SPON1: variants seen among roughly 807,000 people sequenced by gnomAD.
SPON1 encodes the protein spondin 1, also known as spondin-1.
SPON1 carries 52 observed loss-of-function variants against 111.7 expected under a neutral mutation model. That is an observed-to-expected ratio of 0.47 (90% CI 0.37 to 0.59). The LOEUF (loss-of-function observed/expected upper bound fraction) is 0.59. Among genes scored for constraint, SPON1 ranks in the 20% least tolerant of loss-of-function variants. The pLI is 0.00. For missense variants in SPON1, 957 were observed against 1,068.5 expected, an observed-to-expected ratio of 0.90 and a Z score of 1.46; for synonymous variants, 410 against 395.8, an observed-to-expected ratio of 1.04 and a Z score of -0.43.
chr11:14,253,905 G>A (rs1849079032), intron 7 of SPON1, among the ~76,000 whole-genome samples: 2 of 152,218 alleles, frequency 1.3e-5, no homozygotes, highest in South Asian at 2.1e-4. Flanking sequence ...ACTCTGAGTG[G>A]TTGCTGCCAT....
chr11:14,260,506 G>T (rs782605847), intron 13 of SPON1, 82 bp from the exon 14 acceptor site: 48 of 1,450,362 alleles, frequency 3.3e-5, no homozygotes, highest in Non-Finnish European at 4.4e-5. Context: ...CAGGGGACTC[G>T]GTGTGGAACA....
chr11:14,096,932 T>C (rs1881514), intron 5 of SPON1, among the ~76,000 whole-genome samples: 23,943 of 152,198 alleles, frequency 0.16, 2,003 homozygotes, highest in Middle Eastern at 0.21. Flanking sequence ...AAGTCAGTTA[T>C]TACTATAGAA....
intron 6 of SPON1, among the ~76,000 whole-genome samples, chr11:14,188,190 G>T (rs782245577): frequency 6.6e-6 from 1 of 152,146 alleles, no homozygotes; most frequent in Non-Finnish European, 1.5e-5. Context: ...TTACAGGTCT[G>T]AGCCACTGTG....
intron 6 of SPON1, among the ~76,000 whole-genome samples, chr11:14,160,889 ATATATATTTATATATTTATATATATATT>A (rs1564919667): frequency 9.9e-5 from 5 of 50,266 alleles, no homozygotes; most frequent in South Asian, 7.3e-4. Flanking sequence ...TTATATATTT[ATATATATTTATATATTTATATATATATT>A]TATATATTTA....
rs181694542 is a variant in SPON1, at chr11:13,974,917, T to C, written c.239-7930T>C. On this transcript the variant is annotated intron_variant, in intron 1 of 15. Coordinates refer to ENST00000576479, the MANE Select transcript of SPON1 (RefSeq NM_006108.4). ...AGAATGCAACTTATGAAATACAGAA[T>C]CAGTTCTGGTTTCCAGGGCCAAGAC... Among the ~76,000 whole-genome samples, 24 of 152,310 alleles carry C rather than the reference T, an allele frequency of 1.6e-4. No homozygotes were observed. The East Asian group carries it at 4.4e-3, about 28-fold the overall frequency.
chr11:14,004,187 G>A lies in SPON1; in HGVS notation c.345+21234G>A, dbSNP rs113766143. ...CACACACATACACACACACACACGT[G>A]TACATGTTCTTTCCCCATTTGTACA... On this transcript the variant is annotated intron_variant, in intron 2 of 15. Transcript: ENST00000576479. Among the ~76,000 whole-genome samples, 800 of 151,936 alleles carry A rather than the reference G, an allele frequency of 5.3e-3. 9 individuals are homozygous for A. The highest frequency in any genetic ancestry group is 0.018 in the African/African-American group (739 of 41,442).
chr11:14,106,968 G>T (rs1189169293), intron 5 of SPON1, among the ~76,000 whole-genome samples: 1 of 152,156 alleles, frequency 6.6e-6, no homozygotes, highest in Non-Finnish European at 1.5e-5. Flanking sequence ...GGCTTAGGAC[G>T]AAGCAAAACT....
At chr11:14,200,453 C>T (rs1178953018) in intron 6 of SPON1, among the ~76,000 whole-genome samples, 2 of 152,114 alleles carry the variant, frequency 1.3e-5, no homozygotes, top group Non-Finnish European at 2.9e-5. Context: ...TAATTAACTT[C>T]TATAAAGATT....
At chr11:14,114,865 T>A (rs1301762982) in intron 5 of SPON1, among the ~76,000 whole-genome samples, 1 of 152,184 alleles carries the variant, frequency 6.6e-6, no homozygotes, top group Non-Finnish European at 1.5e-5. Flanking sequence ...CAGGACCATA[T>A]GTAGGATTTA....
intron 6 of SPON1, among the ~76,000 whole-genome samples, chr11:14,167,071 TA>T (rs1215534036): frequency 2.6e-5 from 4 of 152,120 alleles, no homozygotes; most frequent in African/African-American, 4.8e-5. Context: ...TATTAAGTCA[TA>T]TTACAATTAT....
At chr11:13,970,253 T>A (rs1227759599) in intron 1 of SPON1, among the ~76,000 whole-genome samples, 1 of 152,196 alleles carries the variant, frequency 6.6e-6, no homozygotes, top group Non-Finnish European at 1.5e-5. Flanking sequence ...AGGAGTTAAG[T>A]GAGACCACTA....
intron 5 of SPON1, among the ~76,000 whole-genome samples, chr11:14,099,821 A>G (rs1849129302): frequency 6.6e-6 from 1 of 152,170 alleles, no homozygotes; most frequent in Admixed American, 6.5e-5. Context: ...TCAGGAGGCT[A>G]CAATCAGGGC....
intron 6 of SPON1, among the ~76,000 whole-genome samples, chr11:14,237,258 T>C (rs573455195): frequency 9.2e-5 from 14 of 152,252 alleles, no homozygotes; most frequent in African/African-American, 3.4e-4. Context: ...AAGCAAATAA[T>C]GGGGCCAAAT....
At chr11:14,090,724 A>T (rs1176667201) in intron 5 of SPON1, among the ~76,000 whole-genome samples, 1 of 151,318 alleles carries the variant, frequency 6.6e-6, no homozygotes, top group Non-Finnish European at 1.5e-5. Flanking sequence ...AGCAGCAGCA[A>T]GATTTATTGC....
At chr11:14,265,394 C>G (rs151331209) in intron 15 of SPON1, 130 bp from the exon 16 acceptor site, 2 of 1,106,220 alleles carry the variant, frequency 1.8e-6, no homozygotes, top group East Asian at 2.6e-5. Context: ...CTAATAACGA[C>G]TCTAACCAAT....
chr11:14,228,772 C>A lies in SPON1; in HGVS notation c.826-14560C>A, dbSNP rs996583799. Among the ~76,000 whole-genome samples, 4 of 152,164 alleles carry A rather than the reference C, an allele frequency of 2.6e-5. No individual in the cohort carries two copies. The East Asian group carries it at 7.7e-4, about 29-fold the overall frequency. Reference sequence around the variant, plus strand: ...TCACATTGTCTTCCACACTAACGCACAATAAAGTTGTATAGGGCAACCGTG... The same window carrying A: ...TCACATTGTCTTCCACACTAACGCAAAATAAAGTTGTATAGGGCAACCGTG... On this transcript the variant is annotated intron_variant, in intron 6 of 15. Transcript: ENST00000576479. This position sits in a 1 kb window ranked among gnomAD's most constrained non-coding sequence, Gnocchi z 4.2.
intron 2 of SPON1, among the ~76,000 whole-genome samples, chr11:14,021,404 G>A (rs147433546): frequency 2.4e-4 from 37 of 152,246 alleles, no homozygotes; most frequent in African/African-American, 8.2e-4. Flanking sequence ...GGACAAGGCT[G>A]CAGAAATGAA....
At chr11:14,163,350 C>T (rs1268903982) in intron 6 of SPON1, among the ~76,000 whole-genome samples, 15 of 152,190 alleles carry the variant, frequency 9.9e-5, no homozygotes, top group Admixed American at 2.6e-4. Context: ...GCATCTACAA[C>T]TTACATGTGT....
chr11:14,082,186 G>GA (rs5789822), intron 5 of SPON1, among the ~76,000 whole-genome samples: 61,500 of 150,242 alleles, frequency 0.41, 12,704 homozygotes, highest in East Asian at 0.56. Flanking sequence ...GGGAGGAGGT[G>GA]AAAAAAAAAA....
Sources: gnomAD v4.1 joint callset for allele counts (sites outside exome capture counted in the v4.1 genomes callset) on GRCh38, gnomAD v4.1.1 for gene constraint, Gnocchi (gnomAD v3.1) non-coding constraint, MANE v1.5 for transcripts, NCBI Gene and HGNC (gene_info 2026-07-23, HGNC 2026-07-21) for gene names.